DDX3Y: variants seen among roughly 807,000 people sequenced by gnomAD.
The protein encoded by DDX3Y is DEAD-box helicase 3 Y-linked.
DDX3Y carries 2 observed loss-of-function variants against 15.1 expected under a neutral mutation model. The ratio of observed to expected loss-of-function variants is 0.13; its 90% CI spans 0.05 to 0.42. The LOEUF (loss-of-function observed/expected upper bound fraction) is 0.42. Ranked by LOEUF, DDX3Y falls within the 10% of genes least tolerant of loss-of-function variation. The pLI is 0.99. For synonymous variants in DDX3Y, 47 were observed against 45.0 expected, an observed-to-expected ratio of 1.04 and a Z score of -0.18; for missense variants, 81 against 149.9, an observed-to-expected ratio of 0.54 and a Z score of 2.40.
At chrY:12,908,623 C>T (rs899612012) in intron 2 of DDX3Y, among the ~76,000 whole-genome samples, 5 of 34,269 alleles carry the variant, frequency 1.5e-4, no homozygotes, top group African/African-American at 5.7e-4. Flanking sequence ...TTTTCCAGAT[C>T]ATTTTCACTT....
At chrY:12,904,531 G>A, upstream of DDX3Y, 1 of 61,084 alleles carries the variant, frequency 1.6e-5, no homozygotes, top group South Asian at 1.5e-4. Context: ...AGGAGGGAGC[G>A]GGAGTTAGTG....
chrY:12,904,812 T>C, upstream of DDX3Y: 1 of 225,600 alleles, frequency 4.4e-6, no homozygotes, highest in Non-Finnish European at 7.7e-6. Context: ...CGTATAGCTG[T>C]GGGAGGGGCC....
chrY:12,916,320 G>T lies in DDX3Y; in HGVS notation c.1369G>T (p.Asp457Tyr). The T allele has an allele frequency of 5.0e-6, 2 of 396,477 alleles. No individual in the cohort carries two copies. The highest frequency in any genetic ancestry group is 1.9e-4 in the East Asian group (2 of 10,777). The stretch of plus-strand genomic sequence containing the variant: ...CAAAAAGGGAGCAGATTCCCTGGAG[G>T]ATTTCTTATACCATGAAGGATATGC... ...ETKKGADSLE[D>Y]FLYHEGYACT... Residue 457 changes from aspartate to tyrosine, a missense_variant, in exon 13 of 17, where the codon GAT becomes TAT. This residue lies in a region of DDX3Y where 52 missense variants were observed against 122.8 expected (regional missense o/e 0.42). Coordinates refer to ENST00000336079, the MANE Select transcript of DDX3Y (RefSeq NM_004660.5).
chrY:12,909,069 T>C, intron 2 of DDX3Y, among the ~76,000 whole-genome samples: 1 of 33,431 alleles, frequency 3.0e-5, no homozygotes, highest in Non-Finnish European at 7.4e-5. Context: ...TAGGCTTTTA[T>C]ACTGGGGTAA....
At chrY:12,913,328 A>G (rs1034016332) in intron 6 of DDX3Y, among the ~76,000 whole-genome samples, 2 of 33,361 alleles carry the variant, frequency 6.0e-5, no homozygotes, top group East Asian at 1.6e-3. Flanking sequence ...AGCTGGGACT[A>G]CAGGTGCACA....
Position 12,911,908 on chromosome Y carries a change from C to A in DDX3Y, c.221C>A (p.Ser74Tyr). Residue 74 changes from serine to tyrosine, a missense_variant, in exon 4 of 17, where the codon TCT becomes TAT. Ser to Tyr is a moderately radical substitution (Grantham distance 144). Transcript: ENST00000336079. ...KDKDAYSSFG[S>Y]RDSRGKPGYF... ...AAGGATGCATATAGCAGTTTTGGGT[C>A]TCGAGATTCTAGAGGAAAGCCTGGT... The A allele has an allele frequency of 7.7e-6, 3 of 390,492 alleles. No homozygotes were observed. Among genetic ancestry groups the A allele is most frequent in the Non-Finnish European group, 1.1e-5 (3 of 276,067 alleles).
intron 2 of DDX3Y, among the ~76,000 whole-genome samples, chrY:12,908,342 G>A: frequency 2.9e-5 from 1 of 34,035 alleles, no homozygotes; most frequent in African/African-American, 1.2e-4. Context: ...GTTCAACAAG[G>A]AAAGTAGTTG....
At position 12,920,167 on chromosome Y, in the gene DDX3Y, A is replaced by G; in HGVS notation, c.*2045A>G. The G allele has an allele frequency of 3.0e-5, 1 of 33,740 alleles. No homozygotes were observed. Among genetic ancestry groups the G allele is most frequent in the Non-Finnish European group, 7.4e-5 (1 of 13,576 alleles). The allele number at this position is 33,740 out of a possible 400,897, so 8.4% of individuals were successfully genotyped here. A position where few individuals can be genotyped will look rare whatever the true frequency, so the allele number is the denominator to read the frequency against. ...TAAGATATTAATGAAACACTTCTGA[A>G]CACTGATAGGAAGTGTCCACATCCA... is the stretch of plus-strand genomic sequence containing the variant. On this transcript the variant is annotated 3_prime_UTR_variant, in exon 17 of 17. Coordinates refer to ENST00000336079, the MANE Select transcript of DDX3Y (RefSeq NM_004660.5).
At chrY:12,914,702 G>A (rs779392568) in intron 8 of DDX3Y, 53 bp downstream of exon 8, 1 of 314,384 alleles carries the variant, frequency 3.2e-6, no homozygotes, top group South Asian at 3.4e-5. Flanking sequence ...GCTTTGCAAA[G>A]CCCTGTTGAC....
At chrY:12,916,675 A>G in intron 14 of DDX3Y, 41 bp downstream of exon 14, 1 of 299,679 alleles carries the variant, frequency 3.3e-6, no homozygotes, top group Non-Finnish European at 5.1e-6. Flanking sequence ...ATTGTGATGC[A>G]TACAGCCAGG....
chrY:12,912,224 T>C (rs2053630671), intron 4 of DDX3Y, among the ~76,000 whole-genome samples: 1 of 33,784 alleles, frequency 3.0e-5, no homozygotes, highest in Non-Finnish European at 7.3e-5. Flanking sequence ...TGTGACAGCT[T>C]TAAACACTTC....
intron 16 of DDX3Y, among the ~76,000 whole-genome samples, 161 bp from the exon 17 acceptor site, chrY:12,917,882 C>T (rs2053655633): frequency 1.8e-4 from 6 of 32,795 alleles, no homozygotes; most frequent in Admixed American, 5.5e-4. Context: ...GTTTTTCTTA[C>T]GAGTTCTCTT....
intron 4 of DDX3Y, among the ~76,000 whole-genome samples, chrY:12,912,434 A>G (rs2053631588): frequency 5.9e-5 from 2 of 34,004 alleles, no homozygotes; most frequent in Non-Finnish European, 1.5e-4. Context: ...ATGAAGATGT[A>G]AAGTACGTAA....
intron 1 of DDX3Y, chrY:12,905,680 C>T: frequency 1.4e-5 from 4 of 285,686 alleles, no homozygotes; most frequent in Non-Finnish European, 1.4e-5. Context: ...AACTGGGCTT[C>T]CGGTATGGAA....
At position 12,919,962 on chromosome Y, in the gene DDX3Y, G is replaced by A. The variant is rs768241229; in HGVS notation, c.*1840G>A. 5 of 34,001 alleles carry A rather than the reference G, an allele frequency of 1.5e-4. No individual in the cohort carries two copies. In the East Asian group the frequency reaches 3.8e-3, roughly 26 times the overall value. 8.5% of individuals were successfully genotyped at this position (34,001 alleles called of 400,897 possible). ...AAACACTGGCACTTGAATGTTGAAT[G>A]TCACCGTATGTGAAATAATATATTT... On this transcript the variant is annotated 3_prime_UTR_variant, in exon 17 of 17. Transcript: ENST00000336079.
In DDX3Y at chrY:12,920,258, T is replaced by TAACCAGACATG. The variant is rs2053662989; in HGVS notation, c.*2136_*2137insAACCAGACATG. 1 of 33,869 alleles carries TAACCAGACATG rather than the reference T, an allele frequency of 3.0e-5. No individual in the cohort carries two copies. Among genetic ancestry groups the TAACCAGACATG allele is most frequent in the Non-Finnish European group, 7.3e-5 (1 of 13,618 alleles). 8.4% of individuals were successfully genotyped at this position (33,869 alleles called of 400,897 possible). A position where few individuals can be genotyped will look rare whatever the true frequency, so the allele number is the denominator to read the frequency against. ...TGATTTTCAGTGATTGTCTGGTATA[T>TAACCAGACATG]TTACAGTCCTCAAACATGGTTATTT... On this transcript the variant is annotated 3_prime_UTR_variant, in exon 17 of 17. Transcript: ENST00000336079.
chrY:12,916,818 T>C lies in DDX3Y; in HGVS notation c.1610-89T>C, dbSNP rs1603207614. On this transcript the variant is annotated intron_variant, in intron 14 of 16. Coordinates refer to ENST00000336079, the MANE Select transcript of DDX3Y (RefSeq NM_004660.5). ...TATTACAAATTACAATGTCGTATTT[T>C]AGTTTCTTTCTTACTATATTTTATA... is the stretch of plus-strand genomic sequence containing the variant. 1.2e-5 allele frequency: 3 copies of C among 256,735 alleles called. No homozygotes were observed. The East Asian group carries it at 3.1e-4, about 26-fold the overall frequency. 64.0% of individuals were successfully genotyped at this position (256,735 alleles called of 400,897 possible). A position where few individuals can be genotyped will look rare whatever the true frequency, so the allele number is the denominator to read the frequency against.
chrY:12,919,213 C>T lies in DDX3Y; in HGVS notation c.*1091C>T. On this transcript the variant is annotated 3_prime_UTR_variant, in exon 17 of 17. Transcript: ENST00000336079. ...GCTTACACTTGCAGACTTTGCAAAT[C>T]TTAAGACTAACAAATCCTTGAAATC... The T allele has an allele frequency of 5.9e-5, 2 of 34,180 alleles. No individual in the cohort carries two copies. Among genetic ancestry groups the T allele is most frequent in the African/African-American group, 2.3e-4 (2 of 8,725 alleles). 8.5% of individuals were successfully genotyped at this position (34,180 alleles called of 400,897 possible).
At position 12,915,088 on chromosome Y, in the gene DDX3Y, C is replaced by T; in HGVS notation, c.880C>T (p.Arg294Cys). 1 of 398,667 alleles carries T rather than the reference C, an allele frequency of 2.5e-6. No individual in the cohort carries two copies. Among genetic ancestry groups the T allele is most frequent in the Non-Finnish European group, 3.5e-6 (1 of 283,489 alleles). Residue 294 changes from arginine to cysteine, a missense_variant, in exon 10 of 17, where the codon CGT (arginine) becomes TGT (cysteine). Arg to Cys is a radical substitution (Grantham distance 180). Coordinates refer to ENST00000336079, the MANE Select transcript of DDX3Y (RefSeq NM_004660.5). ...AAAGTTTTCCTACCGATCTAGAGTT[C>T]GTCCTTGTGTAGTTTATGGTGGTGC... ...ARKFSYRSRVRPCVVYGGADI... is the reference protein window; with the variant it reads ...ARKFSYRSRVCPCVVYGGADI...
Sources: allele counts gnomAD v4.1 joint callset (sites outside exome capture counted in the v4.1 genomes callset), GRCh38; gene constraint gnomAD v4.1.1; regional missense constraint gnomAD v4.1.1; transcripts MANE v1.5; gene names NCBI Gene and HGNC (gene_info 2026-07-23, HGNC 2026-07-21).